Variants in LRCH1 observed in about 807,000 individuals in gnomAD.
LRCH1 encodes the protein leucine rich repeats and calponin homology domain containing 1.
Under a neutral mutation model 94.9 loss-of-function variants are expected in LRCH1, and 23 were observed. That is an observed-to-expected ratio of 0.24 (90% confidence interval 0.17 to 0.34). The LOEUF (loss-of-function observed/expected upper bound fraction) is 0.34, where lower values mean the gene tolerates loss of function less well. Among genes scored for constraint, LRCH1 ranks in the 10% least tolerant of loss-of-function variants. The probability of loss-of-function intolerance (pLI) is 1.00; values close to 1 mark genes in which losing one functional copy is unlikely to be tolerated. For synonymous variants in LRCH1, 364 were observed against 354.9 expected, an observed-to-expected ratio of 1.03 and a Z score of -0.29; for missense variants, 790 against 945.9, an observed-to-expected ratio of 0.84 and a Z score of 2.16.
chr13:46,577,165 C>G (rs547634099), intron 1 of LRCH1, among the ~76,000 whole-genome samples: 13 of 152,266 alleles, frequency 8.5e-5, no homozygotes, highest in Admixed American at 6.5e-4. Context: ...GGTGCCATCT[C>G]GGCTCACTGC....
chr13:46,651,216 A>C (rs2051293362), intron 2 of LRCH1, among the ~76,000 whole-genome samples: 1 of 152,248 alleles, frequency 6.6e-6, no homozygotes, highest in African/African-American at 2.4e-5. Flanking sequence ...AAAGGGGAGC[A>C]AGACTTGTGT....
intron 1 of LRCH1, among the ~76,000 whole-genome samples, chr13:46,635,289 C>G (rs2051070363): frequency 6.6e-6 from 1 of 152,166 alleles, no homozygotes. Flanking sequence ...AGCATATCTC[C>G]ATCCCTGCCT....
intron 3 of LRCH1, among the ~76,000 whole-genome samples, chr13:46,673,933 A>G (rs865928641): frequency 6.6e-6 from 1 of 151,904 alleles, no homozygotes; most frequent in Non-Finnish European, 1.5e-5. Context: ...GGCACGTACC[A>G]CTGCACCCAG....
chr13:46,691,385 A>G (rs1315422154), intron 7 of LRCH1, among the ~76,000 whole-genome samples: 1 of 152,216 alleles, frequency 6.6e-6, no homozygotes, highest in African/African-American at 2.4e-5. Context: ...TTTAACTACT[A>G]CAGTTGTTTA....
At chr13:46,618,640 A>G (rs755721220) in intron 1 of LRCH1, among the ~76,000 whole-genome samples, 12 of 152,238 alleles carry the variant, frequency 7.9e-5, no homozygotes, top group Non-Finnish European at 1.6e-4. Context: ...TTACACTACA[A>G]TGTAGTCCTC....
intron 16 of LRCH1, among the ~76,000 whole-genome samples, chr13:46,721,507 G>A (rs1379593699): frequency 2.6e-5 from 4 of 152,106 alleles, no homozygotes; most frequent in South Asian, 2.1e-4. Flanking sequence ...TCTTCCATGC[G>A]TCTTAATTTG....
At chr13:46,708,427 A>G (rs1157632422) in intron 13 of LRCH1, among the ~76,000 whole-genome samples, 4 of 152,046 alleles carry the variant, frequency 2.6e-5, no homozygotes, top group Admixed American at 2.6e-4. Context: ...GCCCGCTACC[A>G]TGCCTGGCTA....
At chr13:46,675,627 A>T (rs866194216) in intron 3 of LRCH1, among the ~76,000 whole-genome samples, 9 of 152,016 alleles carry the variant, frequency 5.9e-5, no homozygotes, top group African/African-American at 2.2e-4. Context: ...GCTGAGGAAA[A>T]TCCCTTCTTC....
At chr13:46,575,920 T>C (rs2050299521) in intron 1 of LRCH1, among the ~76,000 whole-genome samples, 1 of 152,154 alleles carries the variant, frequency 6.6e-6, no homozygotes, top group Non-Finnish European at 1.5e-5. Flanking sequence ...ATGAGCTTGA[T>C]TAACGGCAGC....
intron 2 of LRCH1, 60 bp from the exon 3 acceptor site, chr13:46,668,970 C>G: frequency 6.3e-7 from 1 of 1,583,402 alleles, no homozygotes; most frequent in Non-Finnish European, 8.6e-7. Context: ...AAAACAGGTT[C>G]ACAGACAGTA....
chr13:46,686,952 A>ATTTTTTTTTTTTTTTTTTT (rs71077916), intron 5 of LRCH1, among the ~76,000 whole-genome samples: 1 of 85,436 alleles, frequency 1.2e-5, no homozygotes, highest in Non-Finnish European at 2.1e-5. Flanking sequence ...GAGTATATTG[A>ATTTTTTTTTTTTTTTTTTT]TTTTTTTTTT....
At chr13:46,643,636 A>G (rs916086386) in intron 1 of LRCH1, among the ~76,000 whole-genome samples, 1 of 152,184 alleles carries the variant, frequency 6.6e-6, no homozygotes, top group Non-Finnish European at 1.5e-5. Flanking sequence ...GTGTGCTCTC[A>G]AAGACACACT....
rs552135883 is a variant in LRCH1, at chr13:46,679,065, C to T, written c.580-2676C>T. Among the ~76,000 whole-genome samples, 43 of 152,322 alleles carry T rather than the reference C, an allele frequency of 2.8e-4. 1 individual carries two copies. The highest frequency in any genetic ancestry group is 9.6e-4 in the African/African-American group (40 of 41,564). On this transcript the variant is annotated intron_variant, in intron 3 of 19. Coordinates refer to ENST00000389797, the MANE Select transcript of LRCH1 (RefSeq NM_001164211.2). The stretch of plus-strand genomic sequence containing the variant: ...CCATAATTTATATAAGGATCTTTCT[C>T]GTGCTGTCACTCACAAGACTGAAAA...
intron 1 of LRCH1, among the ~76,000 whole-genome samples, chr13:46,627,536 C>T (rs1363647672): frequency 6.6e-6 from 1 of 152,098 alleles, no homozygotes; most frequent in Admixed American, 6.5e-5. Context: ...GTCCAGTGCT[C>T]TGTTGTATCA....
At chr13:46,731,010 A>G (rs1463846748) in intron 18 of LRCH1, among the ~76,000 whole-genome samples, 1 of 152,080 alleles carries the variant, frequency 6.6e-6, no homozygotes, top group Non-Finnish European at 1.5e-5. Context: ...ACAATGAGTG[A>G]CTGGTGAAAA....
At chr13:46,614,392 A>T (rs572351766) in intron 1 of LRCH1, among the ~76,000 whole-genome samples, 1 of 152,326 alleles carries the variant, frequency 6.6e-6, no homozygotes, top group East Asian at 1.9e-4. Flanking sequence ...GAGAAAGAAT[A>T]TGAAAAGGAC....
At chr13:46,609,452 G>T (rs1333647106) in intron 1 of LRCH1, among the ~76,000 whole-genome samples, 2 of 152,034 alleles carry the variant, frequency 1.3e-5, no homozygotes, top group Admixed American at 1.3e-4. Flanking sequence ...CTGGCAACGA[G>T]GGCACAAGGA....
At chr13:46,591,435 A>G (rs538312996) in intron 1 of LRCH1, among the ~76,000 whole-genome samples, 1 of 152,356 alleles carries the variant, frequency 6.6e-6, no homozygotes, top group Non-Finnish European at 1.5e-5. Flanking sequence ...GAAAAGGCAT[A>G]ATGGAATGGC....
In LRCH1 at chr13:46,553,226, C is replaced by CGG; in HGVS notation, c.-171_-170insGG. The CGG allele has an allele frequency of 3.7e-6, 2 of 543,564 alleles. No individual in the cohort carries two copies. The highest frequency in any genetic ancestry group is 6.5e-6 in the Non-Finnish European group (2 of 307,200). The allele number at this position is 543,564 out of a possible 1,614,324, so 33.7% of individuals were successfully genotyped here. ...TTCAAGACCGAGCTGCCACGGCCGC[C>CGG]TCCCCGCCCGCCCCCCATTCTACGC... On this transcript the variant is annotated 5_prime_UTR_variant, in exon 1 of 20. Coordinates refer to ENST00000389797, the MANE Select transcript of LRCH1 (RefSeq NM_001164211.2).
Sources: allele counts gnomAD v4.1 joint callset (sites outside exome capture counted in the v4.1 genomes callset), GRCh38; gene constraint gnomAD v4.1.1; transcripts MANE v1.5; gene names NCBI Gene and HGNC (gene_info 2026-07-23, HGNC 2026-07-21).